Variants in COP1 observed in about 807,000 individuals in gnomAD.
COP1 encodes the protein E3 ubiquitin-protein ligase COP1.
Under a neutral mutation model 101.3 loss-of-function variants are expected in COP1, and 24 were observed. That is an observed-to-expected ratio of 0.24 (90% CI 0.17 to 0.33). COP1 has a LOEUF of 0.33. Among genes scored for constraint, COP1 ranks in the 10% least tolerant of loss-of-function variants. COP1 has a pLI of 1.00. For missense variants in COP1, 663 were observed against 906.2 expected, an observed-to-expected ratio of 0.73 and a Z score of 3.45; for synonymous variants, 347 against 341.9, an observed-to-expected ratio of 1.01 and a Z score of -0.17.
intron 13 of COP1, among the ~76,000 whole-genome samples, chr1:176,043,494 A>G (rs1296243088): frequency 6.6e-6 from 1 of 152,242 alleles, no homozygotes; most frequent in Non-Finnish European, 1.5e-5. Context: ...TACATTCCAT[A>G]AAGACCGAAG....
intron 12 of COP1, 71 bp from the exon 13 acceptor site, chr1:176,043,889 T>C: frequency 1.1e-6 from 1 of 906,648 alleles, no homozygotes; most frequent in Admixed American, 1.8e-5. Flanking sequence ...AATTTTAATG[T>C]GTTCAGAAAG....
At chr1:175,960,528 A>G (rs1651209306) in intron 18 of COP1, among the ~76,000 whole-genome samples, 1 of 152,170 alleles carries the variant, frequency 6.6e-6, no homozygotes, top group Non-Finnish European at 1.5e-5. Context: ...GCAAAACAGA[A>G]GACTATTATG....
intron 9 of COP1, among the ~76,000 whole-genome samples, chr1:176,095,249 G>A (rs1682118036): frequency 6.6e-6 from 1 of 152,140 alleles, no homozygotes; most frequent in Non-Finnish European, 1.5e-5. Context: ...TTAATGACTA[G>A]CTTTAAAGCA....
intron 11 of COP1, among the ~76,000 whole-genome samples, chr1:176,064,966 T>C (rs1243723300): frequency 1.3e-5 from 2 of 152,192 alleles, no homozygotes; most frequent in Admixed American, 6.5e-5. Flanking sequence ...CTTCTTGCTG[T>C]TGCCGTTTAA....
chr1:176,104,856 G>T (rs1242116295), intron 9 of COP1, among the ~76,000 whole-genome samples: 2 of 152,028 alleles, frequency 1.3e-5, no homozygotes, highest in African/African-American at 4.8e-5. Context: ...ACTCTCTACT[G>T]GCTGTAATTT....
intron 11 of COP1, among the ~76,000 whole-genome samples, chr1:176,054,515 A>C (rs2149254527): frequency 6.6e-6 from 1 of 152,272 alleles, no homozygotes; most frequent in Non-Finnish European, 1.5e-5. Context: ...AAGGAGATAT[A>C]CTTTCCAAAG....
At chr1:176,000,734 T>A (rs1024281134) in intron 15 of COP1, among the ~76,000 whole-genome samples, 1 of 152,072 alleles carries the variant, frequency 6.6e-6, no homozygotes, top group Admixed American at 6.6e-5. Flanking sequence ...TGTTGCTTTT[T>A]TTTTTGTTAT....
intron 3 of COP1, among the ~76,000 whole-genome samples, chr1:176,165,512 T>G (rs559556257): frequency 1.3e-5 from 2 of 151,914 alleles, no homozygotes; most frequent in East Asian, 1.9e-4. Flanking sequence ...CTGGCCAACA[T>G]GGCAAAACCC....
chr1:176,067,615 A>G (rs1467894105), intron 11 of COP1, among the ~76,000 whole-genome samples: 3 of 152,140 alleles, frequency 2.0e-5, no homozygotes, highest in Middle Eastern at 3.4e-3. Context: ...TGGCCTCTCC[A>G]TCAACCTCCC....
chr1:176,046,169 T>G lies in COP1; in HGVS notation c.1421+12A>C, dbSNP rs1205994576. On this transcript the variant is annotated intron_variant, in intron 12 of 19. Coordinates refer to ENST00000367669, the MANE Select transcript of COP1 (RefSeq NM_022457.7). ...TCTATACTGCATCATGTCAAGAAAATAATGTAAATACCTGATTTTCGAATT... is the reference window on the plus strand; with the variant it reads ...TCTATACTGCATCATGTCAAGAAAAGAATGTAAATACCTGATTTTCGAATT... 6.3e-7 allele frequency: 1 copy of G among 1,590,540 alleles called. No individual in the cohort carries two copies. The highest frequency in any genetic ancestry group is 8.5e-7 in the Non-Finnish European group (1 of 1,170,542).
chr1:176,005,045 A>C lies in COP1; in HGVS notation c.1730-15566T>G, dbSNP rs188247134. The stretch of plus-strand genomic sequence containing the variant: ...CAATTTCAGAGCCTGTTATTGGTCT[A>C]CTCAGAGATTCAATTTCTTCCTGGT... On this transcript the variant is annotated intron_variant, in intron 15 of 19. Transcript: ENST00000367669. Among the ~76,000 whole-genome samples the C allele has an allele frequency of 4.1e-4, 62 of 152,248 alleles. 1 individual carries two copies. The East Asian group carries it at 5.8e-3, about 14-fold the overall frequency.
chr1:176,029,431 C>G (rs1225953953), intron 14 of COP1, among the ~76,000 whole-genome samples: 1 of 152,164 alleles, frequency 6.6e-6, no homozygotes, highest in East Asian at 1.9e-4. Flanking sequence ...ACTATCATAT[C>G]ATTTTTCAAC....
chr1:176,077,842 T>C (rs1678333855), intron 11 of COP1, among the ~76,000 whole-genome samples: 1 of 152,140 alleles, frequency 6.6e-6, no homozygotes, highest in Non-Finnish European at 1.5e-5. Context: ...CTTGGTAGCA[T>C]TTCCATATAC....
chr1:176,039,024 T>C (rs1004989604), intron 14 of COP1, among the ~76,000 whole-genome samples: 3 of 152,168 alleles, frequency 2.0e-5, no homozygotes, highest in Admixed American at 6.5e-5. Context: ...AGAATACACA[T>C]TATTCTCAGG....
At chr1:176,011,097 A>G (rs1173677604) in intron 15 of COP1, among the ~76,000 whole-genome samples, 2 of 152,170 alleles carry the variant, frequency 1.3e-5, no homozygotes, top group Non-Finnish European at 2.9e-5. Context: ...GTTTTAGTTG[A>G]TATCTCAAAG....
chr1:176,207,159 G>A lies in COP1; in HGVS notation c.-181C>T. The stretch of plus-strand genomic sequence containing the variant: ...GCAGCCACACAACAGCGTCCCACGG[G>A]AGGGGGCGGAGGAAACTAAAAAAGC... On this transcript the variant is annotated 5_prime_UTR_variant, in exon 1 of 20. Coordinates refer to ENST00000367669, the MANE Select transcript of COP1 (RefSeq NM_022457.7). 2 of 443,348 alleles carry A rather than the reference G, an allele frequency of 4.5e-6. No homozygotes were observed. The highest frequency in any genetic ancestry group is 7.7e-6 in the Non-Finnish European group (2 of 260,368). 27.5% of individuals were successfully genotyped at this position (443,348 alleles called of 1,614,324 possible).
At chr1:176,001,645 T>C (rs1005155929) in intron 15 of COP1, among the ~76,000 whole-genome samples, 1 of 152,106 alleles carries the variant, frequency 6.6e-6, no homozygotes, top group African/African-American at 2.4e-5. Context: ...TACAAAAAAA[T>C]TCATCTAAAC....
chr1:176,150,458 G>C (rs1260435521), intron 5 of COP1, among the ~76,000 whole-genome samples: 3 of 152,176 alleles, frequency 2.0e-5, no homozygotes, highest in Non-Finnish European at 4.4e-5. Context: ...TCCCAAGTGA[G>C]TTAATCTGTC....
At chr1:176,190,627 G>A (rs893012376) in intron 1 of COP1, among the ~76,000 whole-genome samples, 10 of 151,342 alleles carry the variant, frequency 6.6e-5, no homozygotes, top group Non-Finnish European at 1.5e-4. Flanking sequence ...GTTAATCAAG[G>A]GTCATATTGC....
Sources: gnomAD v4.1 joint callset for allele counts (sites outside exome capture counted in the v4.1 genomes callset) on GRCh38, gnomAD v4.1.1 for gene constraint, MANE v1.5 for transcripts, NCBI Gene and HGNC (gene_info 2026-07-23, HGNC 2026-07-21) for gene names.